Variants in CACNA1C observed in about 807,000 individuals in gnomAD.
CACNA1C encodes voltage-dependent L-type calcium channel subunit alpha-1C.
CACNA1C carries 30 observed loss-of-function variants against 229.0 expected under a neutral mutation model. The ratio of observed to expected loss-of-function variants is 0.13; its 90% CI spans 0.10 to 0.18. CACNA1C has a LOEUF of 0.18. Among genes scored for constraint, CACNA1C ranks in the 10% least tolerant of loss-of-function variants. The pLI is 1.00. For synonymous variants in CACNA1C, 1,114 were observed against 1,132.5 expected (o/e 0.98, Z 0.33); for missense variants, 1,658 against 2,845.0 (o/e 0.58, Z 9.49).
chr12:2,173,040 C>T (rs936866231), intron 3 of CACNA1C, among the ~76,000 whole-genome samples: 10 of 152,082 alleles, frequency 6.6e-5, no homozygotes, highest in African/African-American at 2.2e-4. Context: ...TTACTGTGAG[C>T]GAGGGAAGCA....
chr12:2,080,556 G>A (rs931664738), intron 1 of CACNA1C, among the ~76,000 whole-genome samples: 75 of 150,334 alleles, frequency 5.0e-4, no homozygotes, highest in African/African-American at 6.9e-4. Flanking sequence ...AGCCAAGATC[G>A]CGCCACTGCA....
chr12:2,284,707 G>C (rs543332664), intron 3 of CACNA1C, among the ~76,000 whole-genome samples: 1 of 152,218 alleles, frequency 6.6e-6, no homozygotes, highest in African/African-American at 2.4e-5. Context: ...GTCCTGCTTT[G>C]TTCAGTTTCC....
chr12:2,481,703 T>C (rs985591760), intron 5 of CACNA1C, among the ~76,000 whole-genome samples: 4 of 152,226 alleles, frequency 2.6e-5, no homozygotes, highest in Non-Finnish European at 5.9e-5. Context: ...ATGTTCCAAA[T>C]TTTCCAGTAG....
intron 3 of CACNA1C, among the ~76,000 whole-genome samples, chr12:2,360,155 C>T (rs112849846): frequency 3.0e-5 from 3 of 101,562 alleles, no homozygotes; most frequent in Non-Finnish European, 5.9e-5. Flanking sequence ...AAACACACCC[C>T]ACCCCCCCCC....
chr12:2,383,407 T>A (rs1191036954), intron 3 of CACNA1C, among the ~76,000 whole-genome samples: 1 of 152,146 alleles, frequency 6.6e-6, no homozygotes, highest in East Asian at 1.9e-4. Context: ...ATAGCTGTAG[T>A]TCGTTGGGTG....
chr12:2,412,477 G>A (rs535808805), intron 3 of CACNA1C, among the ~76,000 whole-genome samples: 1 of 152,362 alleles, frequency 6.6e-6, no homozygotes, highest in African/African-American at 2.4e-5. Flanking sequence ...ATAAGCTCCA[G>A]GAGCCCAGCA....
intron 3 of CACNA1C, among the ~76,000 whole-genome samples, chr12:2,393,751 AT>A (rs1365881297): frequency 6.6e-6 from 1 of 152,114 alleles, no homozygotes; most frequent in Non-Finnish European, 1.5e-5. Flanking sequence ...TAAGATCAAA[AT>A]TTCTTATTTT....
chr12:2,109,519 C>T (rs893717149), intron 1 of CACNA1C, among the ~76,000 whole-genome samples: 3 of 152,148 alleles, frequency 2.0e-5, no homozygotes, highest in Non-Finnish European at 1.5e-5. Flanking sequence ...TGCATTGGAC[C>T]GGGCCCAGAG....
intron 3 of CACNA1C, among the ~76,000 whole-genome samples, chr12:2,375,017 A>G (rs2098002313): frequency 1.3e-5 from 2 of 152,228 alleles, no homozygotes; most frequent in Admixed American, 1.3e-4. Flanking sequence ...CTTCATCTTT[A>G]CAAAAGCTTT....
chr12:2,082,838 A>C (rs1278620424), intron 1 of CACNA1C, among the ~76,000 whole-genome samples: 1 of 152,218 alleles, frequency 6.6e-6, no homozygotes, highest in Non-Finnish European at 1.5e-5. Context: ...CAAAACGCCT[A>C]TCTCTGCTCA....
chr12:2,342,424 T>A (rs959118965), intron 3 of CACNA1C, among the ~76,000 whole-genome samples: 1 of 152,210 alleles, frequency 6.6e-6, no homozygotes, highest in Non-Finnish European at 1.5e-5. Flanking sequence ...TCTTCCTCAT[T>A]CAATCCACAA....
At chr12:2,345,847 T>C (rs976599623) in intron 3 of CACNA1C, among the ~76,000 whole-genome samples, 4 of 152,148 alleles carry the variant, frequency 2.6e-5, no homozygotes, top group African/African-American at 9.7e-5. Context: ...GAGATGTTTA[T>C]GCTTTTGAAC....
intron 3 of CACNA1C, among the ~76,000 whole-genome samples, chr12:2,398,405 C>T (rs2098626236): frequency 6.6e-6 from 1 of 152,204 alleles, no homozygotes; most frequent in Non-Finnish European, 1.5e-5. Flanking sequence ...AAACTATATG[C>T]CCTTCATCTG....
At chr12:2,328,540 A>G (rs947613599) in intron 3 of CACNA1C, among the ~76,000 whole-genome samples, 3 of 152,208 alleles carry the variant, frequency 2.0e-5, no homozygotes, top group Non-Finnish European at 2.9e-5. Context: ...TCCCTAGGAA[A>G]GGCATTAAGA....
chr12:2,610,953 A>C (rs1475981637), intron 28 of CACNA1C, among the ~76,000 whole-genome samples: 7 of 141,356 alleles, frequency 5.0e-5, no homozygotes, highest in African/African-American at 1.3e-4. Flanking sequence ...GAATGCATTC[A>C]TTGTTGGTTG....
At chr12:2,553,483 G>C (rs2042415839) in intron 10 of CACNA1C, among the ~76,000 whole-genome samples, 1 of 152,216 alleles carries the variant, frequency 6.6e-6, no homozygotes, top group Non-Finnish European at 1.5e-5. Context: ...GGAACTTGAA[G>C]GGCAGTATAG....
In CACNA1C at chr12:2,695,260, C is replaced by T. The variant is rs1054000469; in HGVS notation, c.*4061C>T. 9 of 152,226 alleles carry T rather than the reference C, an allele frequency of 5.9e-5. No homozygotes were observed. Among genetic ancestry groups the T allele is most frequent in the East Asian group, 3.9e-4 (2 of 5,194 alleles). 9.4% of individuals were successfully genotyped at this position (152,226 alleles called of 1,614,324 possible). A position where few individuals can be genotyped will look rare whatever the true frequency, so the allele number is the denominator to read the frequency against. Reference sequence around the variant, plus strand: ...TCATGGAAGGATGTGTTCAGCTTACCCACCCACAGTGACCAGTGTGGTGGA... The same window carrying T: ...TCATGGAAGGATGTGTTCAGCTTACTCACCCACAGTGACCAGTGTGGTGGA... On this transcript the variant is annotated 3_prime_UTR_variant, in exon 47 of 47. Transcript: ENST00000399655.
chr12:2,636,338 T>C (rs956286583), intron 30 of CACNA1C, among the ~76,000 whole-genome samples: 2 of 152,216 alleles, frequency 1.3e-5, no homozygotes, highest in Admixed American at 6.5e-5. Flanking sequence ...CAGTCTGCAA[T>C]TTTCTCCCAA....
chr12:2,357,596 G>A (rs1407449324), intron 3 of CACNA1C, among the ~76,000 whole-genome samples: 4 of 150,856 alleles, frequency 2.7e-5, no homozygotes, highest in Non-Finnish European at 2.9e-5. Flanking sequence ...CCAGGGTTTA[G>A]GATTGAACCA....
Sources: gnomAD v4.1 joint callset for allele counts (sites outside exome capture counted in the v4.1 genomes callset) on GRCh38, gnomAD v4.1.1 for gene constraint, MANE v1.5 for transcripts, NCBI Gene and HGNC (gene_info 2026-07-23, HGNC 2026-07-21) for gene names.